The following AAMDC variants were observed in gnomAD, a reference collection of about 807,000 sequenced individuals.
AAMDC encodes mth938 domain-containing protein.
AAMDC carries 16 observed loss-of-function variants against 15.5 expected under a neutral mutation model. That is an observed-to-expected ratio of 1.03 (90% CI 0.70 to 1.57). The LOEUF (loss-of-function observed/expected upper bound fraction) is 1.57, where lower values mean the gene tolerates loss of function less well. AAMDC is among the 40% of genes most tolerant of loss of function. AAMDC has a pLI of 0.00. For missense variants in AAMDC, 141 were observed against 144.9 expected (o/e 0.97, Z 0.14); for synonymous variants, 51 against 51.6 (o/e 0.99, Z 0.05).
At chr11:77,854,720 C>T (rs770518937) in intron 2 of AAMDC, among the ~76,000 whole-genome samples, 13 of 152,138 alleles carry the variant, frequency 8.5e-5, no homozygotes, top group Non-Finnish European at 1.3e-4. Flanking sequence ...TGGTGCAAGC[C>T]GTTGGTGGAT....
intron 2 of AAMDC, among the ~76,000 whole-genome samples, chr11:77,850,451 C>T (rs532273156): frequency 3.3e-5 from 5 of 152,186 alleles, no homozygotes; most frequent in African/African-American, 1.2e-4. Context: ...AAGGCAATAA[C>T]TATCTTATTA....
chr11:77,886,403 T>A (rs1035383141), intron 5 of AAMDC, among the ~76,000 whole-genome samples: 2 of 152,166 alleles, frequency 1.3e-5, no homozygotes, highest in Non-Finnish European at 2.9e-5. Flanking sequence ...TACAGTAACC[T>A]AGATTAGGCT....
chr11:77,862,569 C>T (rs528212503), intron 2 of AAMDC, among the ~76,000 whole-genome samples: 5 of 152,150 alleles, frequency 3.3e-5, no homozygotes, highest in South Asian at 4.1e-4. Context: ...CCTTTTGGAT[C>T]GTTTAGGTTG....
At position 77,883,738 on chromosome 11, in the gene AAMDC, T is replaced by C. The variant is rs1466586258; in HGVS notation, c.328+6689T>C. 11 of 1,301,356 alleles carry C rather than the reference T, an allele frequency of 8.5e-6. No individual in the cohort carries two copies. The South Asian group carries it at 1.2e-4, about 14-fold the overall frequency. 80.6% of individuals were successfully genotyped at this position (1,301,356 alleles called of 1,614,324 possible). The stretch of plus-strand genomic sequence containing the variant: ...ATTCTTACAAGGCCTGATTCATCCA[T>C]GTATTTTTTTCAAACTTTAAAAACC... On this transcript the variant is annotated intron_variant, in intron 5 of 5. Transcript: ENST00000304716.
chr11:77,891,945 G>T, intron 5 of AAMDC: 1 of 1,560,594 alleles, frequency 6.4e-7, no homozygotes, highest in South Asian at 1.2e-5. Context: ...GAATGATGAA[G>T]TGAGAGGAGC....
At chr11:77,879,896 A>G (rs1370892336) in intron 5 of AAMDC, among the ~76,000 whole-genome samples, 1 of 152,222 alleles carries the variant, frequency 6.6e-6, no homozygotes, top group African/African-American at 2.4e-5. Context: ...AAGAGTTCTT[A>G]TCCTGCTACA....
intron 5 of AAMDC, among the ~76,000 whole-genome samples, chr11:77,881,152 C>T (rs1448422821): frequency 6.6e-6 from 1 of 152,162 alleles, no homozygotes; most frequent in East Asian, 1.9e-4. Flanking sequence ...ATAACTCAAG[C>T]AACTTCTGCG....
chr11:77,857,296 C>T (rs1332633993), intron 2 of AAMDC, among the ~76,000 whole-genome samples: 1 of 152,156 alleles, frequency 6.6e-6, no homozygotes, highest in African/African-American at 2.4e-5. Flanking sequence ...GATCTTTGAC[C>T]TGACTCTTGA....
At chr11:77,859,672 A>G (rs1034066169) in intron 2 of AAMDC, among the ~76,000 whole-genome samples, 5 of 152,238 alleles carry the variant, frequency 3.3e-5, no homozygotes, top group African/African-American at 1.2e-4. Context: ...CTACAAAGGA[A>G]CTTCCATCAG....
downstream of AAMDC, among the ~76,000 whole-genome samples, chr11:77,901,179 T>A (rs917291760): frequency 6.6e-6 from 1 of 152,212 alleles, no homozygotes; most frequent in South Asian, 2.1e-4. Flanking sequence ...TTGTGCTATA[T>A]GTAATGGAGA....
At chr11:77,872,502 A>T (rs1267162989), downstream of AAMDC, 1 of 557,732 alleles carries the variant, frequency 1.8e-6, no homozygotes, top group African/African-American at 1.9e-5. Flanking sequence ...AGAAAAAAAG[A>T]TGAGACAGAA....
intron 5 of AAMDC, among the ~76,000 whole-genome samples, chr11:77,900,250 C>T (rs543764692): frequency 6.6e-6 from 1 of 152,152 alleles, no homozygotes; most frequent in South Asian, 2.1e-4. Context: ...CTGGTGCATG[C>T]CACCATGCCC....
At chr11:77,846,425 C>T (rs564587609) in intron 2 of AAMDC, among the ~76,000 whole-genome samples, 2 of 152,194 alleles carry the variant, frequency 1.3e-5, no homozygotes, top group South Asian at 4.1e-4. Flanking sequence ...TTGATACCAT[C>T]CTGGCCAACA....
chr11:77,863,006 C>T (rs1950947713), intron 2 of AAMDC, among the ~76,000 whole-genome samples: 1 of 152,066 alleles, frequency 6.6e-6, no homozygotes, highest in African/African-American at 2.4e-5. Flanking sequence ...GTCCTTGCTC[C>T]CAGAGCTCCT....
At chr11:77,883,332 A>G (rs1305037209) in intron 5 of AAMDC, among the ~76,000 whole-genome samples, 1 of 152,140 alleles carries the variant, frequency 6.6e-6, no homozygotes, top group Non-Finnish European at 1.5e-5. Context: ...CTTGAAATGT[A>G]ATCTCCTTTG....
intron 1 of AAMDC, among the ~76,000 whole-genome samples, chr11:77,824,848 A>G (rs1051014544): frequency 2.0e-5 from 3 of 152,192 alleles, no homozygotes; most frequent in African/African-American, 7.2e-5. Flanking sequence ...TTATGCTTCA[A>G]TTTTAGAAGT....
At chr11:77,839,316 G>A (rs1267249397) in intron 1 of AAMDC, among the ~76,000 whole-genome samples, 1 of 151,848 alleles carries the variant, frequency 6.6e-6, no homozygotes, top group Non-Finnish European at 1.5e-5. Context: ...TTTTTTGTTT[G>A]TTTGTTTTTG....
chr11:77,831,664 A>C (rs369281915), intron 1 of AAMDC, among the ~76,000 whole-genome samples: 111 of 151,542 alleles, frequency 7.3e-4, no homozygotes, highest in African/African-American at 2.1e-3. Context: ...AACATGAAAG[A>C]AGCAGCCACC....
chr11:77,880,656 TC>T (rs1339988230), intron 5 of AAMDC, among the ~76,000 whole-genome samples: 2 of 152,142 alleles, frequency 1.3e-5, no homozygotes. Context: ...CATAGCACTT[TC>T]AAGAAGCCAA....
Sources: allele counts gnomAD v4.1 joint callset (sites outside exome capture counted in the v4.1 genomes callset), GRCh38; gene constraint gnomAD v4.1.1; transcripts MANE v1.5; gene names NCBI Gene and HGNC (gene_info 2026-07-23, HGNC 2026-07-21).